The following DTNA variants were observed in gnomAD, a reference collection of about 807,000 sequenced individuals.
DTNA encodes the protein dystrobrevin alpha.
In DTNA, 43 loss-of-function variants were observed where a neutral mutation model predicts 100.7. The ratio of observed to expected loss-of-function variants is 0.43; its 90% CI spans 0.33 to 0.55. The LOEUF (loss-of-function observed/expected upper bound fraction) is 0.55, where lower values mean the gene tolerates loss of function less well. DTNA is among the 20% of genes least tolerant of loss of function. The probability of loss-of-function intolerance (pLI) is 0.04; values close to 1 mark genes in which losing one functional copy is unlikely to be tolerated. For synonymous variants in DTNA, 349 were observed against 347.9 expected (o/e 1.00, Z -0.04); for missense variants, 798 against 953.9 (o/e 0.84, Z 2.15).
At chr18:34,528,991 G>C (rs1018317103) in intron 1 of DTNA, among the ~76,000 whole-genome samples, 2 of 152,104 alleles carry the variant, frequency 1.3e-5, no homozygotes, top group African/African-American at 4.8e-5. Flanking sequence ...CTCAGGCATA[G>C]CCATTGATAT....
At chr18:34,584,524 G>T (rs564565580) in intron 1 of DTNA, among the ~76,000 whole-genome samples, 1 of 148,512 alleles carries the variant, frequency 6.7e-6, no homozygotes, top group African/African-American at 2.6e-5. Flanking sequence ...GAACAAAGAT[G>T]AGAGACTCTT....
chr18:34,740,150 C>G (rs2090359444), intron 1 of DTNA, among the ~76,000 whole-genome samples: 1 of 152,100 alleles, frequency 6.6e-6, no homozygotes, highest in Admixed American at 6.6e-5. Context: ...TTTTATAGGA[C>G]AGTTTTTTAG....
chr18:34,879,413 A>G lies in DTNA; in HGVS notation c.1994-138A>G, dbSNP rs58591324. On this transcript the variant is annotated intron_variant, in intron 19 of 22. Transcript: ENST00000444659. ...TATCAATTCTTATTTTGAAACAATA[A>G]AAATGTATTTGATTAAAATATGATA... 7.5e-3 allele frequency: 6,353 copies of G among 845,396 alleles called. 264 individuals carry two copies. The African/African-American group carries it at 0.093, about 12-fold the overall frequency. The allele number at this position is 845,396 out of a possible 1,614,324, so 52.4% of individuals were successfully genotyped here.
intron 1 of DTNA, among the ~76,000 whole-genome samples, chr18:34,519,265 A>G (rs992263620): frequency 5.9e-5 from 9 of 152,148 alleles, no homozygotes; most frequent in African/African-American, 1.7e-4. Context: ...ATTTTTGAAA[A>G]TCACCAGAAA....
rs2096956622 is a variant in DTNA, at chr18:34,890,116, C to G, written c.*2382C>G. ...ATGTTGTTTCTTTGTGTTTCTACAT[C>G]AAAATGTTCGTCTAAGATTTGAACT... On this transcript the variant is annotated 3_prime_UTR_variant, in exon 23 of 23. Transcript: ENST00000444659. 7 of 1,402,208 alleles carry G rather than the reference C, an allele frequency of 5.0e-6. No individual in the cohort carries two copies. The East Asian group carries it at 1.8e-4, about 36-fold the overall frequency. 86.9% of individuals were successfully genotyped at this position (1,402,208 alleles called of 1,614,324 possible). A position where few individuals can be genotyped will look rare whatever the true frequency, so the allele number is the denominator to read the frequency against.
chr18:34,854,723 A>G (rs1479963351), intron 15 of DTNA, among the ~76,000 whole-genome samples: 2 of 152,208 alleles, frequency 1.3e-5, no homozygotes, highest in Non-Finnish European at 2.9e-5. Context: ...ATTGCTAACA[A>G]GCATGGAGCC....
chr18:34,601,605 T>TA (rs533307231), intron 1 of DTNA, among the ~76,000 whole-genome samples: 6 of 152,214 alleles, frequency 3.9e-5, no homozygotes, highest in Non-Finnish European at 7.3e-5. Flanking sequence ...GATTTAGACT[T>TA]AAAGTCATAT....
intron 3 of DTNA, among the ~76,000 whole-genome samples, chr18:34,791,080 G>A (rs2094718026): frequency 6.6e-6 from 1 of 152,126 alleles, no homozygotes; most frequent in Non-Finnish European, 1.5e-5. Context: ...ACATGGGCAT[G>A]CCTATGTGGG....
intron 1 of DTNA, among the ~76,000 whole-genome samples, chr18:34,575,057 G>A (rs4544304): frequency 0.1 from 15,575 of 152,124 alleles, 1,168 homozygotes; most frequent in African/African-American, 0.2. Flanking sequence ...ATAGGTGTCC[G>A]GCTCCTCAGA....
At chr18:34,558,598 A>G (rs1225405810) in intron 1 of DTNA, among the ~76,000 whole-genome samples, 1 of 152,200 alleles carries the variant, frequency 6.6e-6, no homozygotes, top group Non-Finnish European at 1.5e-5. Flanking sequence ...ATGCAAATAA[A>G]AAATAAAGCC....
intron 4 of DTNA, among the ~76,000 whole-genome samples, chr18:34,801,513 CTTT>C (rs555362184): frequency 5.0e-5 from 7 of 140,392 alleles, no homozygotes; most frequent in African/African-American, 5.3e-5. Flanking sequence ...AATAAAATAA[CTTT>C]TTTTTTTTTT....
chr18:34,668,212 T>C (rs1312888357), intron 1 of DTNA, among the ~76,000 whole-genome samples: 1 of 152,254 alleles, frequency 6.6e-6, no homozygotes, highest in Admixed American at 6.5e-5. Flanking sequence ...TTTATTTGCA[T>C]AGAGATGTTT....
At chr18:34,832,407 A>G (rs1289832317) in intron 11 of DTNA, among the ~76,000 whole-genome samples, 1 of 152,176 alleles carries the variant, frequency 6.6e-6, no homozygotes, top group Non-Finnish European at 1.5e-5. Flanking sequence ...ATAATTTTCT[A>G]TACTATGCAT....
intron 9 of DTNA, among the ~76,000 whole-genome samples, chr18:34,826,660 T>C (rs1273145523): frequency 1.3e-5 from 2 of 152,204 alleles, no homozygotes; most frequent in African/African-American, 4.8e-5. Context: ...TATAGAATTA[T>C]AGTGAAACTG....
chr18:34,666,949 A>T (rs1227620876), intron 1 of DTNA, among the ~76,000 whole-genome samples: 1 of 152,018 alleles, frequency 6.6e-6, no homozygotes, highest in Non-Finnish European at 1.5e-5. Flanking sequence ...TTTTTTTCCA[A>T]TTCTGTGAAG....
intron 1 of DTNA, among the ~76,000 whole-genome samples, chr18:34,577,332 TTCAA>T (rs527817089): frequency 8.4e-4 from 128 of 152,342 alleles, no homozygotes; most frequent in Middle Eastern, 3.4e-3. Flanking sequence ...TTTTTAAACT[TTCAA>T]TCAATATGTG....
chr18:34,869,048 A>G (rs1033583050), intron 17 of DTNA, among the ~76,000 whole-genome samples: 9 of 152,160 alleles, frequency 5.9e-5, no homozygotes, highest in African/African-American at 2.2e-4. Context: ...TTTCTTAGCA[A>G]AGTTACTGGA....
At chr18:34,627,318 C>T (rs16965680) in intron 1 of DTNA, among the ~76,000 whole-genome samples, 4,019 of 152,226 alleles carry the variant, frequency 0.026, 187 homozygotes, top group African/African-American at 0.092. Context: ...GGGGAACCAA[C>T]GTTCATTCCA....
chr18:34,595,871 C>T (rs2050494252), intron 1 of DTNA, among the ~76,000 whole-genome samples: 2 of 152,136 alleles, frequency 1.3e-5, no homozygotes, highest in African/African-American at 2.4e-5. Flanking sequence ...CCTGATGTTC[C>T]CTGAATCACC....
Sources: gnomAD v4.1 joint callset for allele counts (sites outside exome capture counted in the v4.1 genomes callset) on GRCh38, gnomAD v4.1.1 for gene constraint, MANE v1.5 for transcripts, NCBI Gene and HGNC (gene_info 2026-07-23, HGNC 2026-07-21) for gene names.